The following ZNF623 variants were observed in gnomAD, a reference collection of about 807,000 sequenced individuals.
ZNF623 encodes zinc finger protein 623.
ZNF623 carries 16 observed loss-of-function variants against 24.0 expected under a neutral mutation model. The observed-to-expected ratio is 0.67, with a 90% CI of 0.45 to 1.01. The LOEUF is 1.01. Among genes scored for constraint, ZNF623 ranks in the 50% least tolerant of loss-of-function variants. The pLI, the probability that ZNF623 is intolerant of heterozygous loss-of-function variation, is 0.00. For synonymous variants in ZNF623, 224 were observed against 219.8 expected (o/e 1.02, Z -0.17); for missense variants, 566 against 606.5 (o/e 0.93, Z 0.70).
rs551787866 is a variant in ZNF623 at position 143,653,404 on chromosome 8, C to T, written c.*1921C>T. 4.2e-5 allele frequency: 7 copies of T among 167,080 alleles called. No homozygotes were observed. In the East Asian group the frequency reaches 1.3e-3, roughly 32 times the overall value. 10.3% of individuals were successfully genotyped at this position (167,080 alleles called of 1,614,324 possible). ...GAGATGTTTCAAATGTAGATTTTACCAGACCATTTTAATCAACTTTATTGA... is the reference window on the plus strand; with the variant it reads ...GAGATGTTTCAAATGTAGATTTTACTAGACCATTTTAATCAACTTTATTGA... On this transcript the variant is annotated 3_prime_UTR_variant, in exon 2 of 2. Transcript: ENST00000526926.
Position 143,651,597 on chromosome 8 carries a change from T to C in ZNF623, c.*114T>C. ...TTTGTGAGTCATGGATGGGGCTGCTTTTGCAGTGGGTGCCACCTGCCACTG... is the reference window on the plus strand; with the variant it reads ...TTTGTGAGTCATGGATGGGGCTGCTCTTGCAGTGGGTGCCACCTGCCACTG... On this transcript the variant is annotated 3_prime_UTR_variant, in exon 2 of 2. Coordinates refer to ENST00000526926, the MANE Select transcript of ZNF623 (RefSeq NM_001261843.2). The C allele has an allele frequency of 7.9e-7, 1 of 1,267,178 alleles. No individual in the cohort carries two copies. Among genetic ancestry groups the C allele is most frequent in the East Asian group, 2.4e-5 (1 of 41,458 alleles). 78.5% of individuals were successfully genotyped at this position (1,267,178 alleles called of 1,614,324 possible).
intron 1 of ZNF623, chr8:143,649,611 AC>A: frequency 2.1e-6 from 1 of 472,998 alleles, no homozygotes; most frequent in Non-Finnish European, 3.7e-6. Context: ...GCATATCCCC[AC>A]CCCTCTGCAA....
rs765195158 is a variant in ZNF623 at position 143,650,627 on chromosome 8, G to A, written c.635G>A (p.Arg212His). 2.5e-6 allele frequency: 4 copies of A among 1,613,138 alleles called. No individual in the cohort carries two copies. Among genetic ancestry groups the A allele is most frequent in the East Asian group, 2.2e-5 (1 of 44,816 alleles). The change falls in exon 2 of 2, where the codon CGC (arginine) becomes CAC (histidine). Residue 212 changes from arginine to histidine, a missense_variant. This residue lies in a region of ZNF623 where 313 missense variants were observed against 300.4 expected (regional missense o/e 1.04). Transcript: ENST00000526926. This position sits in a 1 kb window ranked among gnomAD's most constrained non-coding sequence, Gnocchi z 5.2. ...TTCAGTCAGAGCTCCTTACTTATTC[G>A]CCATCAGAGGATTCACACGGGAGAA... is the stretch of plus-strand genomic sequence containing the variant. ...KGFSQSSLLI[R>H]HQRIHTGERP...
Position 143,651,111 on chromosome 8 carries a change from C to T in ZNF623, c.1119C>T (p.Leu373=), listed in dbSNP as rs902765214. 2.5e-6 allele frequency: 4 copies of T among 1,614,064 alleles called. No individual in the cohort carries two copies. The highest frequency in any genetic ancestry group is 2.5e-6 in the Non-Finnish European group (3 of 1,179,996). The change falls in exon 2 of 2, where the codon CTC becomes CTT. Residue 373 remains leucine (L), a synonymous_variant. Transcript: ENST00000526926. ...YECKECGKAF[L]QKAHLTEHQK... ...GTAAGGAATGTGGGAAAGCGTTTCT[C>T]CAGAAAGCCCATCTCACTGAGCACC...
chr8:143,647,338 A>G (rs1483016729), intron 1 of ZNF623, among the ~76,000 whole-genome samples: 2 of 151,312 alleles, frequency 1.3e-5, no homozygotes, highest in East Asian at 3.9e-4. Flanking sequence ...TTTTTTTTGT[A>G]TTTTTGGTAG....
rs753461428 is a variant in ZNF623 at position 143,650,933 on chromosome 8, A to G, written c.941A>G (p.Lys314Arg). The G allele has an allele frequency of 6.2e-7, 1 of 1,613,986 alleles. No individual in the cohort carries two copies. Among genetic ancestry groups the G allele is most frequent in the African/African-American group, 1.3e-5 (1 of 74,862 alleles). ...CCTTACGTATGCAATGAGTGTGGGA[A>G]GCGCTTCAGCCAGACGTCAAACTTC... Reference protein sequence around the residue: ...ERPYVCNECGKRFSQTSNFTQ... With the variant: ...ERPYVCNECGRRFSQTSNFTQ... Residue 314 changes from lysine to arginine, a missense_variant, in exon 2 of 2, where the codon AAG becomes AGG. Lys to Arg is a conservative substitution (Grantham distance 26). Around this residue, in one of 3 missense-constraint regions of ZNF623, gnomAD observed 117 missense variants for 174.2 expected, o/e 0.67. Transcript: ENST00000526926. The surrounding 1 kb of genome is among the most constrained non-coding windows in gnomAD (Gnocchi z 5.2).
At chr8:143,641,468 C>T (rs866857300) in intron 1 of ZNF623, among the ~76,000 whole-genome samples, 1,594 of 3,208 alleles carry the variant, frequency 0.5, 397 homozygotes, top group Admixed American at 0.52. Flanking sequence ...TTTTTTTTTT[C>T]TTTTTTTTTT....
At chr8:143,643,960 T>C (rs1167179264) in intron 1 of ZNF623, among the ~76,000 whole-genome samples, 1 of 152,142 alleles carries the variant, frequency 6.6e-6, no homozygotes, top group Non-Finnish European at 1.5e-5. Context: ...CCCTTGAAAA[T>C]ATCCTCACTG....
At position 143,650,626 on chromosome 8, in the gene ZNF623, C is replaced by T. The variant is rs368989774; in HGVS notation, c.634C>T (p.Arg212Cys). Reference sequence around the variant, plus strand: ...CTTCAGTCAGAGCTCCTTACTTATTCGCCATCAGAGGATTCACACGGGAGA... The same window carrying T: ...CTTCAGTCAGAGCTCCTTACTTATTTGCCATCAGAGGATTCACACGGGAGA... ...KGFSQSSLLI[R>C]HQRIHTGERP... is the part of the protein sequence containing the mutation. Residue 212 changes from arginine (R) to cysteine (C), a missense_variant, in exon 2 of 2, where the codon CGC becomes TGC. Around this residue, in one of 3 missense-constraint regions of ZNF623, gnomAD observed 313 missense variants for 300.4 expected, o/e 1.04. Transcript: ENST00000526926. This position sits in a 1 kb window ranked among gnomAD's most constrained non-coding sequence, Gnocchi z 5.2. The T allele has an allele frequency of 2.7e-5, 44 of 1,613,910 alleles. No individual in the cohort carries two copies. The Admixed American group carries it at 4.5e-4, about 17-fold the overall frequency.
In ZNF623 at chr8:143,651,403, GA is replaced by G; in HGVS notation, c.1412del (p.Glu471GlyfsTer5). 8 of 1,614,114 alleles carry G rather than the reference GA, an allele frequency of 5.0e-6. No individual in the cohort carries two copies. The highest frequency in any genetic ancestry group is 5.9e-6 in the Non-Finnish European group (7 of 1,179,966). ...TAAAAATAATCAAAGGGTTCACCAA[GA>G]GGGACTCTCCTTGAGTAAGGCCCCC... ...NVKNNQRVHQ[E>X]GLSLSKAPIH... On this transcript the variant is annotated frameshift_variant, in exon 2 of 2. Transcript: ENST00000526926. LOFTEE classifies it high-confidence loss of function.
intron 1 of ZNF623, among the ~76,000 whole-genome samples, chr8:143,636,926 G>C (rs1373551114): frequency 1.3e-5 from 2 of 152,216 alleles, no homozygotes; most frequent in Non-Finnish European, 2.9e-5. Flanking sequence ...CCTGGATGCT[G>C]GCCTCAGACT....
In ZNF623 at chr8:143,649,923, G is replaced by C; in HGVS notation, c.-70G>C. ...ATTCTAATGTAGGAACTGGTGAGAA[G>C]AAGGTGACTGAAGCCTGGATTTCTG... On this transcript the variant is annotated 5_prime_UTR_variant, in exon 2 of 2. Transcript: ENST00000526926. 6.2e-7 allele frequency: 1 copy of C among 1,613,228 alleles called. No homozygotes were observed. The highest frequency in any genetic ancestry group is 1.7e-5 in the Admixed American group (1 of 59,976).
At chr8:143,646,142 A>G (rs1815171580) in intron 1 of ZNF623, among the ~76,000 whole-genome samples, 1 of 152,124 alleles carries the variant, frequency 6.6e-6, no homozygotes, top group Non-Finnish European at 1.5e-5. Context: ...TCTGGGCTCA[A>G]GTGATCCTCC....
At position 143,650,495 on chromosome 8, in the gene ZNF623, A is replaced by G; in HGVS notation, c.503A>G (p.Lys168Arg). Residue 168 changes from lysine (K) to arginine (R), a missense_variant, in exon 2 of 2, where the codon AAA (lysine) becomes AGA (arginine). Lys to Arg is a conservative substitution (Grantham distance 26). Around this residue, in one of 3 missense-constraint regions of ZNF623, gnomAD observed 313 missense variants for 300.4 expected, o/e 1.04. Coordinates refer to ENST00000526926, the MANE Select transcript of ZNF623 (RefSeq NM_001261843.2). The surrounding 1 kb of genome is among the most constrained non-coding windows in gnomAD (Gnocchi z 5.2). ...GTTCATTCAGGAGAAAAGCCCTTCA[A>G]ATGTGCGCAGTGTGGGAAGGCGTTT... Reference protein sequence around the residue: ...QRVHSGEKPFKCAQCGKAFCH... With the variant: ...QRVHSGEKPFRCAQCGKAFCH... The G allele has an allele frequency of 6.2e-7, 1 of 1,614,124 alleles. No individual in the cohort carries two copies. Among genetic ancestry groups the G allele is most frequent in the East Asian group, 2.2e-5 (1 of 44,884 alleles).
intron 1 of ZNF623, among the ~76,000 whole-genome samples, chr8:143,649,317 G>A (rs1175712842): frequency 1.3e-5 from 2 of 151,526 alleles, no homozygotes; most frequent in African/African-American, 4.9e-5. Context: ...AACAGCAAGA[G>A]TGCAGGCACA....
chr8:143,650,948 C>T lies in ZNF623; in HGVS notation c.956C>T (p.Thr319Met), dbSNP rs149039555. 3.9e-5 allele frequency: 63 copies of T among 1,613,594 alleles called. No individual in the cohort carries two copies. The highest frequency in any genetic ancestry group is 6.6e-5 in the South Asian group (6 of 91,062). The change falls in exon 2 of 2, where the codon ACG becomes ATG. Residue 319 changes from threonine (T) to methionine (M), a missense_variant. Around this residue, in one of 3 missense-constraint regions of ZNF623, gnomAD observed 117 missense variants for 174.2 expected, o/e 0.67. Coordinates refer to ENST00000526926, the MANE Select transcript of ZNF623 (RefSeq NM_001261843.2). The surrounding 1 kb of genome is among the most constrained non-coding windows in gnomAD (Gnocchi z 5.2). ...GAGTGTGGGAAGCGCTTCAGCCAGA[C>T]GTCAAACTTCACCCAGCATCAGAGA... The part of the protein sequence containing the change: ...CNECGKRFSQ[T>M]SNFTQHQRIH...
At position 143,649,905 on chromosome 8, in the gene ZNF623, T is replaced by C. The variant is rs750649516; in HGVS notation, c.-88T>C. ...TGTTGTCTTTTGTTTCAGATTCTAA[T>C]GTAGGAACTGGTGAGAAGAAGGTGA... On this transcript the variant is annotated 5_prime_UTR_variant, in exon 2 of 2. An upstream start codon of the reference 5' UTR is lost. Transcript: ENST00000526926. The C allele has an allele frequency of 1.9e-6, 3 of 1,607,614 alleles. No individual in the cohort carries two copies. The highest frequency in any genetic ancestry group is 2.7e-5 in the African/African-American group (2 of 74,688).
chr8:143,650,248 G>A lies in ZNF623; in HGVS notation c.256G>A (p.Asp86Asn), dbSNP rs4874084. ...ELIEGEANPCDICGKTFTFNS... is the reference protein window; with the variant it reads ...ELIEGEANPCNICGKTFTFNS... The stretch of plus-strand genomic sequence containing the variant: ...CATAGAGGGGGAAGCCAATCCTTGC[G>A]ATATCTGTGGCAAAACCTTCACGTT... Residue 86 changes from aspartate (D) to asparagine (N), a missense_variant, in exon 2 of 2, where the codon GAT becomes AAT. By Grantham distance (23) the Asp-to-Asn change is conservative. Coordinates refer to ENST00000526926, the MANE Select transcript of ZNF623 (RefSeq NM_001261843.2). The surrounding 1 kb of genome is among the most constrained non-coding windows in gnomAD (Gnocchi z 5.2). 1,237 of 1,614,190 alleles carry A rather than the reference G, an allele frequency of 7.7e-4. 8 individuals carry two copies. The African/African-American group carries it at 0.014, about 18-fold the overall frequency.
intron 1 of ZNF623, chr8:143,649,668 G>A: frequency 1.7e-6 from 1 of 583,170 alleles, no homozygotes; most frequent in South Asian, 2.3e-5. Flanking sequence ...GTGCACCACA[G>A]ACCAGTCTGT....
Sources: allele counts gnomAD v4.1 joint callset (sites outside exome capture counted in the v4.1 genomes callset), GRCh38; gene constraint gnomAD v4.1.1; regional missense constraint gnomAD v4.1.1; non-coding constraint Gnocchi (gnomAD v3.1); transcripts MANE v1.5; gene names NCBI Gene and HGNC (gene_info 2026-07-23, HGNC 2026-07-21).